Variants in KCNJ6 observed in about 807,000 individuals in gnomAD.
KCNJ6 encodes the protein G protein-activated inward rectifier potassium channel 2.
KCNJ6 carries 9 observed loss-of-function variants against 34.2 expected under a neutral mutation model. That is an observed-to-expected ratio of 0.26 (90% CI 0.16 to 0.46). The LOEUF (loss-of-function observed/expected upper bound fraction) is 0.46. Among genes scored for constraint, KCNJ6 ranks in the 20% least tolerant of loss-of-function variants. The pLI is 1.00. For missense variants in KCNJ6, 236 were observed against 531.3 expected (o/e 0.44, Z 5.46); for synonymous variants, 196 against 207.1 (o/e 0.95, Z 0.46).
At chr21:37,891,443 A>T (rs2055761759) in intron 1 of KCNJ6, among the ~76,000 whole-genome samples, 1 of 152,158 alleles carries the variant, frequency 6.6e-6, no homozygotes. Flanking sequence ...TTATATAGAG[A>T]TCAAAATTTT....
intron 2 of KCNJ6, among the ~76,000 whole-genome samples, chr21:37,749,372 G>A (rs965953782): frequency 2.0e-5 from 3 of 152,204 alleles, no homozygotes; most frequent in African/African-American, 7.2e-5. Context: ...GCAAGCACCA[G>A]CACAGCCTGA....
chr21:37,819,472 A>C (rs2055363544), intron 2 of KCNJ6, among the ~76,000 whole-genome samples: 1 of 152,176 alleles, frequency 6.6e-6, no homozygotes, highest in Non-Finnish European at 1.5e-5. Context: ...ATTCCATCTG[A>C]CAAATCTGAA....
At chr21:37,674,899 T>G (rs1161358603) in intron 3 of KCNJ6, among the ~76,000 whole-genome samples, 1 of 152,168 alleles carries the variant, frequency 6.6e-6, no homozygotes. Context: ...AATGAATGAA[T>G]GAATAATGAA....
chr21:37,614,748 GTA>G lies in KCNJ6; in HGVS notation c.*10409_*10410del, dbSNP rs1175348884. The stretch of plus-strand genomic sequence containing the variant: ...CGTGTGTGTGTATGCGCATGTCTCT[GTA>G]TGTGTGTGTATGCATGTGTCTGTGT... On this transcript the variant is annotated 3_prime_UTR_variant, in exon 4 of 4. Coordinates refer to ENST00000609713, the MANE Select transcript of KCNJ6 (RefSeq NM_002240.5). The G allele has an allele frequency of 2.3e-5, 3 of 130,048 alleles. No individual in the cohort carries two copies. The highest frequency in any genetic ancestry group is 7.5e-5 in the Admixed American group (1 of 13,290). 8.1% of individuals were successfully genotyped at this position (130,048 alleles called of 1,614,324 possible).
At chr21:37,762,530 G>T (rs2055070832) in intron 2 of KCNJ6, among the ~76,000 whole-genome samples, 1 of 152,208 alleles carries the variant, frequency 6.6e-6, no homozygotes, top group African/African-American at 2.4e-5. Flanking sequence ...AAGTTTGCTG[G>T]AAGCAGAGCC....
intron 1 of KCNJ6, among the ~76,000 whole-genome samples, chr21:37,905,148 C>G (rs910196864): frequency 5.3e-5 from 8 of 152,210 alleles, no homozygotes; most frequent in African/African-American, 1.7e-4. Flanking sequence ...TATCTGCTCT[C>G]AGCACCACTG....
chr21:37,867,323 A>G (rs1299960488), intron 1 of KCNJ6, among the ~76,000 whole-genome samples: 2 of 152,230 alleles, frequency 1.3e-5, no homozygotes, highest in Non-Finnish European at 2.9e-5. Context: ...GTCAGGGACA[A>G]AAATCTGTCC....
At chr21:37,910,773 T>C (rs2055863397) in intron 1 of KCNJ6, among the ~76,000 whole-genome samples, 1 of 152,232 alleles carries the variant, frequency 6.6e-6, no homozygotes. Flanking sequence ...GATACATTTG[T>C]ATAGACATAA....
chr21:37,697,684 A>G (rs1001534415), intron 3 of KCNJ6, among the ~76,000 whole-genome samples: 2 of 152,232 alleles, frequency 1.3e-5, no homozygotes, highest in African/African-American at 4.8e-5. Context: ...CATGTTGGCA[A>G]TAGTTGATCT....
At position 37,623,685 on chromosome 21, in the gene KCNJ6, T is replaced by A. The variant is rs1054346086; in HGVS notation, c.*1474A>T. 3 of 152,220 alleles carry A rather than the reference T, an allele frequency of 2.0e-5. No homozygotes were observed. The highest frequency in any genetic ancestry group is 2.9e-5 in the Non-Finnish European group (2 of 68,050). The allele number at this position is 152,220 out of a possible 1,614,324, so 9.4% of individuals were successfully genotyped here. ...AAGTGAATTAAGGCTGGAATTTTTT[T>A]ATTTGTTTTCTTTTGATTGACAGAC... On this transcript the variant is annotated 3_prime_UTR_variant, in exon 4 of 4. Transcript: ENST00000609713.
chr21:37,666,542 G>C (rs965869501), intron 3 of KCNJ6, among the ~76,000 whole-genome samples: 1 of 152,114 alleles, frequency 6.6e-6, no homozygotes, highest in African/African-American at 2.4e-5. Flanking sequence ...AATTAAATGA[G>C]GTACCCGGCC....
intron 3 of KCNJ6, among the ~76,000 whole-genome samples, chr21:37,655,214 TGTGTGTGTGTGAGAGAGAGAGA>T (rs1198281890): frequency 0.11 from 8,181 of 71,870 alleles, 540 homozygotes; most frequent in East Asian, 0.38. Context: ...TGTGTGTGTG[TGTGTGTGTGTGAGAGAGAGAGA>T]GAGAGAGAGA....
intron 1 of KCNJ6, among the ~76,000 whole-genome samples, chr21:37,876,577 C>CT (rs977151081): frequency 4.6e-5 from 7 of 151,192 alleles, no homozygotes; most frequent in African/African-American, 1.7e-4. Context: ...ATGTTCTGTC[C>CT]TTTTTTCAAA....
chr21:37,770,165 A>C (rs75669187), intron 2 of KCNJ6, among the ~76,000 whole-genome samples: 2 of 152,086 alleles, frequency 1.3e-5, no homozygotes, highest in South Asian at 2.1e-4. Flanking sequence ...CTTTCACCCT[A>C]TCTGAGGAAG....
intron 2 of KCNJ6, among the ~76,000 whole-genome samples, chr21:37,771,974 G>A (rs2055119831): frequency 6.6e-6 from 1 of 152,140 alleles, no homozygotes; most frequent in African/African-American, 2.4e-5. Flanking sequence ...ATGGAACGAT[G>A]TTTTCCCCTT....
rs144698876 is a variant in KCNJ6 at position 37,853,846 on chromosome 21, G to GTATATATATA, written c.-27-13147_-27-13138dup. ...GTAGTTAAGAGATACATATATATAT[G>GTATATATATA]TATATATATATATATAAATTACATT... On this transcript the variant is annotated intron_variant, in intron 1 of 3. Coordinates refer to ENST00000609713, the MANE Select transcript of KCNJ6 (RefSeq NM_002240.5). 9.1e-3 allele frequency among the ~76,000 whole-genome samples: 1,052 copies of GTATATATATA among 115,942 alleles called. 29 individuals are homozygous for GTATATATATA. The highest frequency in any genetic ancestry group is 7.1e-3 in the Non-Finnish European group (426 of 60,014). 76.1% of individuals were successfully genotyped at this position (115,942 alleles called of 152,430 possible).
intron 2 of KCNJ6, among the ~76,000 whole-genome samples, chr21:37,839,181 CA>C (rs2055466656): frequency 6.6e-6 from 1 of 152,122 alleles, no homozygotes; most frequent in South Asian, 2.1e-4. Context: ...TGGGGTTTTT[CA>C]AACCAAGTTG....
chr21:37,644,194 G>A (rs918905496), intron 3 of KCNJ6, among the ~76,000 whole-genome samples: 1 of 152,120 alleles, frequency 6.6e-6, no homozygotes, highest in Non-Finnish European at 1.5e-5. Flanking sequence ...TGAACACATA[G>A]AGGGGAACAA....
At chr21:37,696,312 C>A (rs1232610998) in intron 3 of KCNJ6, among the ~76,000 whole-genome samples, 1 of 152,138 alleles carries the variant, frequency 6.6e-6, no homozygotes, top group Non-Finnish European at 1.5e-5. Context: ...ACCACCTGAG[C>A]CAGAGATAGA....
Sources: gnomAD v4.1 joint callset for allele counts (sites outside exome capture counted in the v4.1 genomes callset) on GRCh38, gnomAD v4.1.1 for gene constraint, MANE v1.5 for transcripts, NCBI Gene and HGNC (gene_info 2026-07-23, HGNC 2026-07-21) for gene names.